Variants in MAGI2 observed in about 807,000 individuals in gnomAD.
MAGI2 encodes the protein membrane associated guanylate kinase, WW and PDZ domain containing 2.
Under a neutral mutation model 133.3 loss-of-function variants are expected in MAGI2, and 35 were observed. The observed-to-expected ratio is 0.26, with a 90% confidence interval of 0.20 to 0.35. The LOEUF (loss-of-function observed/expected upper bound fraction) is 0.35. MAGI2 is among the 10% of genes least tolerant of loss of function. The pLI is 1.00. For missense variants in MAGI2, 1,636 were observed against 1,863.4 expected (o/e 0.88, Z 2.25); for synonymous variants, 729 against 710.6 (o/e 1.03, Z -0.41).
At chr7:79,299,809 A>G (rs1289647943) in intron 1 of MAGI2, among the ~76,000 whole-genome samples, 1 of 152,114 alleles carries the variant, frequency 6.6e-6, no homozygotes. Context: ...GCAGATCCTC[A>G]TGGCTTGGTG....
At chr7:78,187,035 T>A (rs1827760638) in intron 12 of MAGI2, among the ~76,000 whole-genome samples, 2 of 152,192 alleles carry the variant, frequency 1.3e-5, no homozygotes, top group African/African-American at 4.8e-5. Context: ...GTTACTTCTA[T>A]CTGAGAGAAT....
chr7:79,125,794 GC>G, intron 1 of MAGI2: 1 of 514,902 alleles, frequency 1.9e-6, no homozygotes, highest in Non-Finnish European at 3.9e-6. Context: ...GGCAGCAGTA[GC>G]TATGGCAGTG....
chr7:78,056,174 C>A (rs1231537301), intron 21 of MAGI2, among the ~76,000 whole-genome samples: 3 of 152,132 alleles, frequency 2.0e-5, no homozygotes, highest in Non-Finnish European at 4.4e-5. Context: ...ATGCAGTATT[C>A]ATCTTTTTGT....
At chr7:78,895,213 T>C (rs1316564596) in intron 2 of MAGI2, among the ~76,000 whole-genome samples, 1 of 152,154 alleles carries the variant, frequency 6.6e-6, no homozygotes, top group Non-Finnish European at 1.5e-5. Context: ...GGTGCTCTCT[T>C]GCCATGTGAT....
Position 78,408,545 on chromosome 7 carries a change from A to C in MAGI2, c.1046-39332T>G, listed in dbSNP as rs149782503. Among the ~76,000 whole-genome samples, 259 of 152,150 alleles carry C rather than the reference A, an allele frequency of 1.7e-3. 1 individual carries two copies. The highest frequency in any genetic ancestry group is 6.0e-3 in the African/African-American group (251 of 41,550). On this transcript the variant is annotated intron_variant, in intron 6 of 21. Coordinates refer to ENST00000354212, the MANE Select transcript of MAGI2 (RefSeq NM_012301.4). ...TTAATTAAAGATCTCTTAGAGGCTT[A>C]CTACAGTACCTACAGGGCACTGCTT... is the stretch of plus-strand genomic sequence containing the variant.
chr7:78,570,379 G>A (rs1257134071), intron 3 of MAGI2, among the ~76,000 whole-genome samples: 1 of 152,170 alleles, frequency 6.6e-6, no homozygotes, highest in African/African-American at 2.4e-5. Context: ...GGTTCCTAAA[G>A]TAGCGTGGGG....
At chr7:78,448,929 C>T (rs762465370) in intron 6 of MAGI2, among the ~76,000 whole-genome samples, 34 of 151,878 alleles carry the variant, frequency 2.2e-4, no homozygotes, top group African/African-American at 6.3e-4. Flanking sequence ...TCTCGTAGAG[C>T]GAAATCTTTT....
At chr7:79,174,046 A>T (rs1481971010) in intron 1 of MAGI2, among the ~76,000 whole-genome samples, 3 of 152,090 alleles carry the variant, frequency 2.0e-5, no homozygotes, top group East Asian at 3.9e-4. Flanking sequence ...ATTAGAATTC[A>T]TCACATAATA....
At chr7:78,737,750 T>C (rs1011135660) in intron 2 of MAGI2, among the ~76,000 whole-genome samples, 1 of 152,218 alleles carries the variant, frequency 6.6e-6, no homozygotes, top group South Asian at 2.1e-4. Context: ...TGTTTTTTTA[T>C]GGCTTGTTAT....
intron 2 of MAGI2, among the ~76,000 whole-genome samples, chr7:78,983,614 A>G (rs1456107190): frequency 1.3e-5 from 2 of 152,022 alleles, no homozygotes; most frequent in Admixed American, 6.6e-5. Flanking sequence ...TCTATATAAA[A>G]AAGCCTTCAG....
chr7:78,329,948 AATG>A (rs1364607149), intron 9 of MAGI2, among the ~76,000 whole-genome samples: 3 of 152,198 alleles, frequency 2.0e-5, no homozygotes, highest in Non-Finnish European at 4.4e-5. Flanking sequence ...TGAAGTCTAA[AATG>A]ATTTAAAGAA....
At chr7:78,543,153 A>G (rs1798548865) in intron 3 of MAGI2, among the ~76,000 whole-genome samples, 2 of 152,218 alleles carry the variant, frequency 1.3e-5, no homozygotes, top group South Asian at 4.1e-4. Flanking sequence ...TCTTCAAGGA[A>G]AAGGACAAAA....
chr7:78,040,907 T>C (rs1446236834), intron 21 of MAGI2, among the ~76,000 whole-genome samples: 1 of 152,180 alleles, frequency 6.6e-6, no homozygotes, highest in Non-Finnish European at 1.5e-5. Flanking sequence ...GCTAGATCAT[T>C]CTGGAGTAGC....
At chr7:78,215,861 T>A (rs1409064884) in intron 10 of MAGI2, among the ~76,000 whole-genome samples, 2 of 152,216 alleles carry the variant, frequency 1.3e-5, no homozygotes, top group Non-Finnish European at 2.9e-5. Flanking sequence ...AGATGTAAAG[T>A]GCCTTTGGTT....
chr7:78,915,101 C>A (rs776127326), intron 2 of MAGI2, among the ~76,000 whole-genome samples: 26 of 152,080 alleles, frequency 1.7e-4, no homozygotes, highest in Non-Finnish European at 3.4e-4. Flanking sequence ...ATTATCTCCA[C>A]CTGAATAGAG....
chr7:79,096,182 T>C (rs1234280117), intron 1 of MAGI2, among the ~76,000 whole-genome samples: 1 of 152,162 alleles, frequency 6.6e-6, no homozygotes, highest in Admixed American at 6.5e-5. Flanking sequence ...TCTCGTGTCC[T>C]GTAGCTTCAA....
chr7:78,911,180 T>C (rs1250530417), intron 2 of MAGI2, among the ~76,000 whole-genome samples: 8 of 152,220 alleles, frequency 5.3e-5, no homozygotes, highest in African/African-American at 1.4e-4. Flanking sequence ...AGAGGTGAGA[T>C]ACAGTGGAAT....
intron 3 of MAGI2, among the ~76,000 whole-genome samples, chr7:78,573,894 T>A (rs767769820): frequency 1.8e-4 from 27 of 152,064 alleles, no homozygotes; most frequent in Non-Finnish European, 3.2e-4. Flanking sequence ...GCTAGAGGCA[T>A]CCTGAGATCT....
chr7:78,649,113 C>T (rs935675613), intron 2 of MAGI2, among the ~76,000 whole-genome samples: 16 of 151,024 alleles, frequency 1.1e-4, no homozygotes, highest in Non-Finnish European at 1.3e-4. Flanking sequence ...CCTTGTTAAA[C>T]CGCATGTCTG....
Sources: allele counts gnomAD v4.1 joint callset (sites outside exome capture counted in the v4.1 genomes callset), GRCh38; gene constraint gnomAD v4.1.1; transcripts MANE v1.5; gene names NCBI Gene and HGNC (gene_info 2026-07-23, HGNC 2026-07-21).